Variants in GPC6 observed in about 807,000 individuals in gnomAD.
GPC6 encodes glypican-6.
A neutral mutation model predicts 55.2 loss-of-function variants in GPC6; 14 were observed. The ratio of observed to expected loss-of-function variants is 0.25; its 90% CI spans 0.17 to 0.40. The LOEUF is 0.40. GPC6 is among the 10% of genes least tolerant of loss of function. The probability of loss-of-function intolerance (pLI) is 1.00; values close to 1 mark genes in which losing one functional copy is unlikely to be tolerated. For missense variants in GPC6, 641 were observed against 708.5 expected, an observed-to-expected ratio of 0.90 and a Z score of 1.08; for synonymous variants, 278 against 259.6, an observed-to-expected ratio of 1.07 and a Z score of -0.68.
chr13:93,223,228 C>T (rs994655617), upstream of GPC6, among the ~76,000 whole-genome samples: 4 of 151,990 alleles, frequency 2.6e-5, no homozygotes, highest in Non-Finnish European at 5.9e-5. Context: ...CTGCACGACT[C>T]GTCTGTCACC....
At chr13:94,081,477 C>T (rs998689952) in intron 4 of GPC6, among the ~76,000 whole-genome samples, 2 of 152,044 alleles carry the variant, frequency 1.3e-5, no homozygotes, top group African/African-American at 4.8e-5. Context: ...ATGTATTGAA[C>T]GACTACTATC....
intron 4 of GPC6, among the ~76,000 whole-genome samples, chr13:94,122,680 T>A (rs967129544): frequency 6.6e-6 from 1 of 152,098 alleles, no homozygotes; most frequent in African/African-American, 2.4e-5. Context: ...TTTCATTCAC[T>A]ACTCTGCACA....
At chr13:94,028,126 G>A (rs564947425) in intron 4 of GPC6, among the ~76,000 whole-genome samples, 5 of 152,144 alleles carry the variant, frequency 3.3e-5, no homozygotes, top group East Asian at 3.9e-4. Flanking sequence ...TAAGCTGGGC[G>A]TGGTAGCACA....
intron 4 of GPC6, among the ~76,000 whole-genome samples, chr13:94,059,533 A>G (rs1217506158): frequency 6.6e-6 from 1 of 152,088 alleles, no homozygotes; most frequent in African/African-American, 2.4e-5. Context: ...ACCCATGAAC[A>G]CGAACGTGTT....
intron 3 of GPC6, among the ~76,000 whole-genome samples, chr13:93,961,854 G>T (rs1044537352): frequency 1.3e-5 from 2 of 151,830 alleles, no homozygotes; most frequent in Non-Finnish European, 2.9e-5. Context: ...TTAGGCAATT[G>T]CCAAGGTGTT....
At chr13:94,143,435 G>A (rs1406251688) in intron 4 of GPC6, among the ~76,000 whole-genome samples, 1 of 152,110 alleles carries the variant, frequency 6.6e-6, no homozygotes, top group African/African-American at 2.4e-5. Flanking sequence ...CTAGAATCTA[G>A]ATTTTTAATA....
chr13:93,530,906 G>A (rs1350500027), intron 1 of GPC6, among the ~76,000 whole-genome samples: 2 of 151,966 alleles, frequency 1.3e-5, no homozygotes, highest in Non-Finnish European at 2.9e-5. Context: ...CATGGAAATT[G>A]GTATAATTTG....
At chr13:94,157,138 C>G (rs1033896860) in intron 4 of GPC6, among the ~76,000 whole-genome samples, 2 of 152,156 alleles carry the variant, frequency 1.3e-5, no homozygotes, top group African/African-American at 2.4e-5. Flanking sequence ...TTCTGCCCCT[C>G]TTTAGATGTA....
intron 4 of GPC6, among the ~76,000 whole-genome samples, chr13:94,036,075 AATAG>A (rs1883321946): frequency 6.6e-6 from 1 of 152,020 alleles, no homozygotes; most frequent in South Asian, 2.1e-4. Flanking sequence ...TTAGTGGTTA[AATAG>A]ATCTTTTCCT....
At chr13:94,331,514 G>A (rs1014953078) in intron 6 of GPC6, among the ~76,000 whole-genome samples, 12 of 152,160 alleles carry the variant, frequency 7.9e-5, no homozygotes, top group African/African-American at 2.9e-4. Context: ...TGGTTACATG[G>A]AGTCAGGCAG....
In GPC6 at chr13:94,333,386, G is replaced by A. The variant is rs184738661; in HGVS notation, c.1152+27263G>A. Among the ~76,000 whole-genome samples the A allele has an allele frequency of 2.4e-4, 37 of 152,274 alleles. No individual in the cohort carries two copies. The South Asian group carries it at 2.5e-3, about 10-fold the overall frequency. On this transcript the variant is annotated intron_variant, in intron 6 of 8. Coordinates refer to ENST00000377047, the MANE Select transcript of GPC6 (RefSeq NM_005708.5). ...TGTGCTAATCCTGGGATTCCAGTAA[G>A]TCATAAAAACAGCGGCTTAAGAAAG...
intron 1 of GPC6, among the ~76,000 whole-genome samples, chr13:93,489,242 T>A (rs1255736728): frequency 2.6e-5 from 4 of 151,520 alleles, no homozygotes; most frequent in Non-Finnish European, 5.9e-5. Flanking sequence ...TTTCCCTATT[T>A]CTTGCTTTTG....
chr13:93,490,489 A>ATTTTTTTTTTTTTTTTTTTTTTTTTTTTT (rs1267006354), intron 1 of GPC6, among the ~76,000 whole-genome samples: 2 of 13,194 alleles, frequency 1.5e-4, no homozygotes, highest in Admixed American at 7.2e-4. Context: ...AACTTGAGTG[A>ATTTTTTTTTTTTTTTTTTTTTTTTTTTTT]TTTTTTTTTC....
chr13:94,277,188 T>C (rs1892242513), intron 4 of GPC6, among the ~76,000 whole-genome samples: 1 of 152,254 alleles, frequency 6.6e-6, no homozygotes, highest in Admixed American at 6.5e-5. Flanking sequence ...TAATGATCAG[T>C]GCTGTTGAGC....
intron 4 of GPC6, among the ~76,000 whole-genome samples, chr13:94,272,477 T>TTTTTTTTTTG: frequency 7.2e-6 from 1 of 138,608 alleles, no homozygotes; most frequent in South Asian, 2.3e-4. Flanking sequence ...TTTTTTTTTT[T>TTTTTTTTTTG]TTTTTTTTTG....
At position 93,945,438 on chromosome 13, in the gene GPC6, A is replaced by C. The variant is rs553612359; in HGVS notation, c.712-82291A>C. Among the ~76,000 whole-genome samples, 6 of 152,330 alleles carry C rather than the reference A, an allele frequency of 3.9e-5. No individual in the cohort carries two copies. The South Asian group carries it at 1.2e-3, about 32-fold the overall frequency. ...AGAGGGAGAGCTTTATAATTAAAAA[A>C]TGGTGGAAAGCACAGGAATGCTCCA... On this transcript the variant is annotated intron_variant, in intron 3 of 8. Coordinates refer to ENST00000377047, the MANE Select transcript of GPC6 (RefSeq NM_005708.5).
chr13:94,208,956 AT>A (rs1457378179), intron 4 of GPC6, among the ~76,000 whole-genome samples: 1 of 151,848 alleles, frequency 6.6e-6, no homozygotes, highest in Non-Finnish European at 1.5e-5. Flanking sequence ...ACAAAAAACT[AT>A]TTTTTATTGC....
chr13:94,146,388 A>G (rs1018450715), intron 4 of GPC6, among the ~76,000 whole-genome samples: 4 of 152,164 alleles, frequency 2.6e-5, no homozygotes, highest in Non-Finnish European at 5.9e-5. Context: ...CCAATCAAGT[A>G]TTTATCTCCA....
intron 6 of GPC6, among the ~76,000 whole-genome samples, chr13:94,369,223 G>A (rs1879418282): frequency 6.6e-6 from 1 of 152,144 alleles, no homozygotes. Flanking sequence ...CTGAAGTCAG[G>A]AACAAATAGG....
Sources: gnomAD v4.1 joint callset for allele counts (sites outside exome capture counted in the v4.1 genomes callset) on GRCh38, gnomAD v4.1.1 for gene constraint, MANE v1.5 for transcripts, NCBI Gene and HGNC (gene_info 2026-07-23, HGNC 2026-07-21) for gene names.